The following SUN2 variants were observed in gnomAD, a reference collection of about 807,000 sequenced individuals.
SUN2 encodes the protein SUN domain-containing protein 2.
Under a neutral mutation model 100.0 loss-of-function variants are expected in SUN2, and 60 were observed. The ratio of observed to expected loss-of-function variants is 0.60; its 90% CI spans 0.49 to 0.74. The LOEUF is 0.74. SUN2 is among the 30% of genes least tolerant of loss of function. SUN2 has a pLI of 0.00. For synonymous variants in SUN2, 367 were observed against 403.3 expected (o/e 0.91, Z 1.08); for missense variants, 834 against 954.6 (o/e 0.87, Z 1.66).
In SUN2 at chr22:38,737,698, G is replaced by T; in HGVS notation, c.2040+475C>A. 2.8e-6 allele frequency: 1 copy of T among 357,204 alleles called. No homozygotes were observed. Among genetic ancestry groups the T allele is most frequent in the Admixed American group, 3.8e-5 (1 of 26,546 alleles). 22.1% of individuals were successfully genotyped at this position (357,204 alleles called of 1,614,324 possible). On this transcript the variant is annotated intron_variant, in intron 17 of 17. Coordinates refer to ENST00000689035, the MANE Select transcript of SUN2 (RefSeq NM_015374.3). This position sits in a 1 kb window ranked among gnomAD's most constrained non-coding sequence, Gnocchi z 4.1. ...TGGTTTGTTCAAATGCAGGCTCCTG[G>T]GTCCTGTCAGCCCTAAGGAACCAGA...
chr22:38,742,374 A>G lies in SUN2; in HGVS notation c.995T>C (p.Leu332Pro). 6.2e-7 allele frequency: 1 copy of G among 1,613,138 alleles called. No individual in the cohort carries two copies. Among genetic ancestry groups the G allele is most frequent in the Non-Finnish European group, 8.5e-7 (1 of 1,179,824 alleles). Reference protein sequence around the residue: ...GLSHEDTLALLEGLVSRREAA... With the variant: ...GLSHEDTLALPEGLVSRREAA... ...TTCACGGCGGCTCACTAGCCCCTCC[A>G]GCAGCGCCAGGGTGTCCTCGTGGCT... Residue 332 changes from leucine (L) to proline (P), a missense_variant, in exon 9 of 18, where the codon CTG becomes CCG. By Grantham distance (98) the Leu-to-Pro change is moderately conservative (BLOSUM62 -3). This residue lies in a region of SUN2 where 559 missense variants were observed against 597.7 expected (regional missense o/e 0.94). Transcript: ENST00000689035.
chr22:38,742,686 C>T (rs2092869923), intron 8 of SUN2, 131 bp from the exon 9 acceptor site: 3 of 1,254,738 alleles, frequency 2.4e-6, no homozygotes, highest in South Asian at 1.6e-5. Context: ...TAAGGCCATG[C>T]AGGGCCGGCT....
rs1294675920 is a variant in SUN2 at position 38,738,967 on chromosome 22, C to T, written c.1685G>A (p.Arg562Gln). 6 of 1,612,784 alleles carry T rather than the reference C, an allele frequency of 3.7e-6. No individual in the cohort carries two copies. Among genetic ancestry groups the T allele is most frequent in the South Asian group, 2.2e-5 (2 of 90,828 alleles). The stretch of plus-strand genomic sequence containing the variant: ...CTTGGTCTCGTAGGTCTCAGAACAT[C>T]GGGTGCTGATGACGCTGGCCCCTGA... ...ESGGASVIST[R>Q]CSETYETKTA... Residue 562 changes from arginine (R) to glutamine (Q), a missense_variant, in exon 15 of 18, where the codon CGA becomes CAA. Around this residue, in one of 3 missense-constraint regions of SUN2, gnomAD observed 195 missense variants for 280.2 expected, o/e 0.70. Coordinates refer to ENST00000689035, the MANE Select transcript of SUN2 (RefSeq NM_015374.3). The surrounding 1 kb of genome is among the most constrained non-coding windows in gnomAD (Gnocchi z 6.6).
chr22:38,750,818 TC>T, intron 4 of SUN2, 79 bp downstream of exon 4: 5 of 1,581,644 alleles, frequency 3.2e-6, no homozygotes, highest in Non-Finnish European at 4.3e-6. Flanking sequence ...TCTCTCCAGC[TC>T]CCCGGGGCTC....
In SUN2 at chr22:38,734,997, C is replaced by T; in HGVS notation, c.*1270G>A. On this transcript the variant is annotated 3_prime_UTR_variant, in exon 18 of 18. Transcript: ENST00000689035. ...CCAGACACAGCCGGAACCAGTGCCC[C>T]AGGCCCCTCTCCACGGCCAGGAACA... 1 of 304,308 alleles carries T rather than the reference C, an allele frequency of 3.3e-6. No homozygotes were observed. 18.9% of individuals were successfully genotyped at this position (304,308 alleles called of 1,614,324 possible).
chr22:38,745,898 TGCTTGTGG>T, intron 7 of SUN2, 87 bp from the exon 8 acceptor site: 1 of 1,538,764 alleles, frequency 6.5e-7, no homozygotes, highest in South Asian at 1.2e-5. Context: ...TCCCTGCCAG[TGCTTGTGG>T]CCTGTCCCAC....
chr22:38,739,587 C>T lies in SUN2; in HGVS notation c.1578+135G>A. ...CACACTGCCACCCACCCATGCCAGCCCCACAGCATGCAAAGCCTCCTGCTT... is the reference window on the plus strand; with the variant it reads ...CACACTGCCACCCACCCATGCCAGCTCCACAGCATGCAAAGCCTCCTGCTT... On this transcript the variant is annotated intron_variant, in intron 13 of 17. Coordinates refer to ENST00000689035, the MANE Select transcript of SUN2 (RefSeq NM_015374.3). The surrounding 1 kb of genome is among the most constrained non-coding windows in gnomAD (Gnocchi z 6.7). 1 of 1,307,170 alleles carries T rather than the reference C, an allele frequency of 7.7e-7. No individual in the cohort carries two copies. Among genetic ancestry groups the T allele is most frequent in the Non-Finnish European group, 1.1e-6 (1 of 931,868 alleles). The allele number at this position is 1,307,170 out of a possible 1,614,324, so 81.0% of individuals were successfully genotyped here. A position where few individuals can be genotyped will look rare whatever the true frequency, so the allele number is the denominator to read the frequency against.
In SUN2 at chr22:38,742,433, T is replaced by C. The variant is rs752595501; in HGVS notation, c.936A>G (p.Gln312=). ...AMRLERLELR[Q]GAPGQGGGGG... ...CACCACCTCCCTGGCCAGGAGCCCC[T>C]TGCCGCAGCTCCAGACGTTCCAGCC... is the stretch of plus-strand genomic sequence containing the variant. The change falls in exon 9 of 18, where the codon CAA becomes CAG. Residue 312 remains glutamine, a synonymous_variant. Transcript: ENST00000689035. 5 of 1,613,398 alleles carry C rather than the reference T, an allele frequency of 3.1e-6. No homozygotes were observed. In the African/African-American group the frequency reaches 6.7e-5, roughly 22 times the overall value.
chr22:38,745,856 AG>A (rs1455262396), intron 7 of SUN2, 45 bp from the exon 8 acceptor site: 1 of 1,602,384 alleles, frequency 6.2e-7, no homozygotes, highest in Non-Finnish European at 8.5e-7. Context: ...GCCTCCAGCA[AG>A]AGGCGCGCGC....
At chr22:38,743,266 T>G (rs2145991957) in intron 8 of SUN2, among the ~76,000 whole-genome samples, 1 of 152,328 alleles carries the variant, frequency 6.6e-6, no homozygotes, top group Middle Eastern at 3.4e-3. Context: ...GGTTTTTAAA[T>G]AGGCGCTACA....
chr22:38,750,239 A>G lies in SUN2; in HGVS notation c.506T>C (p.Val169Ala). The G allele has an allele frequency of 1.2e-6, 2 of 1,611,682 alleles. No homozygotes were observed. Among genetic ancestry groups the G allele is most frequent in the Non-Finnish European group, 1.7e-6 (2 of 1,178,092 alleles). Residue 169 changes from valine (V) to alanine (A), a missense_variant, in exon 5 of 18, where the codon GTG becomes GCG. Coordinates refer to ENST00000689035, the MANE Select transcript of SUN2 (RefSeq NM_015374.3). The stretch of plus-strand genomic sequence containing the variant: ...TTGCAGCCCACCTGGCGAAGTGGCC[A>G]CCATCCAGAGTAAGGAGCCCGCCCG... ...VSRAGSLLWM[V>A]ATSPGRLFRL...
intron 4 of SUN2, 62 bp downstream of exon 4, chr22:38,750,836 C>T: frequency 6.2e-7 from 1 of 1,600,092 alleles, no homozygotes; most frequent in African/African-American, 1.3e-5. Flanking sequence ...GCTCCCTGCC[C>T]AGCCTTCCTG....
chr22:38,750,842 T>C (rs2092939479), intron 4 of SUN2, 56 bp downstream of exon 4: 1 of 1,603,854 alleles, frequency 6.2e-7, no homozygotes, highest in Non-Finnish European at 8.5e-7. Flanking sequence ...TGCCCAGCCT[T>C]CCTGAGGCCT....
chr22:38,741,239 T>G (rs1457530360), intron 10 of SUN2, among the ~76,000 whole-genome samples, 189 bp from the exon 11 acceptor site: 1 of 150,470 alleles, frequency 6.6e-6, no homozygotes, highest in East Asian at 1.9e-4. Context: ...TCTGACACAC[T>G]GAGGTATCTG....
chr22:38,744,295 A>G (rs1260595507), intron 8 of SUN2, among the ~76,000 whole-genome samples: 4 of 149,148 alleles, frequency 2.7e-5, no homozygotes, highest in African/African-American at 9.9e-5. Flanking sequence ...AAGTGATACT[A>G]TGCCAGGTGC....
chr22:38,738,405 G>T lies in SUN2; in HGVS notation c.1948-140C>A. The stretch of plus-strand genomic sequence containing the variant: ...AGTCACTTCACTCTCTTGTGCCACA[G>T]TTTCTGCCTCCAAAGCCTAAGGTAA... On this transcript the variant is annotated intron_variant, in intron 16 of 17. Coordinates refer to ENST00000689035, the MANE Select transcript of SUN2 (RefSeq NM_015374.3). The surrounding 1 kb of genome is among the most constrained non-coding windows in gnomAD (Gnocchi z 6.6). The T allele has an allele frequency of 1.8e-6, 2 of 1,100,344 alleles. No homozygotes were observed. Among genetic ancestry groups the T allele is most frequent in the Non-Finnish European group, 1.3e-6 (1 of 762,750 alleles). The allele number at this position is 1,100,344 out of a possible 1,614,324, so 68.2% of individuals were successfully genotyped here. A position where few individuals can be genotyped will look rare whatever the true frequency, so the allele number is the denominator to read the frequency against.
rs1391373149 is a variant in SUN2, at chr22:38,742,159, AAG to A, written c.1068+140_1068+141del. ...TATTGTCTCAAAAAGAAAAAAAAAAAAGAAAAAAAGAGAAAGGGAGTAACTGC... is the reference window on the plus strand; with the variant it reads ...TATTGTCTCAAAAAGAAAAAAAAAAAAAAAAAAGAGAAAGGGAGTAACTGC... On this transcript the variant is annotated intron_variant, in intron 9 of 17. Transcript: ENST00000689035. The A allele has an allele frequency of 8.8e-5, 99 of 1,131,292 alleles. No homozygotes were observed. The East Asian group carries it at 2.2e-3, about 25-fold the overall frequency. 70.1% of individuals were successfully genotyped at this position (1,131,292 alleles called of 1,614,324 possible).
intron 1 of SUN2, among the ~76,000 whole-genome samples, chr22:38,753,008 C>T (rs552589652): frequency 4.6e-5 from 7 of 152,300 alleles, no homozygotes; most frequent in Non-Finnish European, 8.8e-5. Flanking sequence ...GGGTCTTCCT[C>T]GACCTCTGAC....
chr22:38,736,686 T>C (rs568528938), intron 17 of SUN2: 1 of 228,408 alleles, frequency 4.4e-6, no homozygotes, highest in African/African-American at 2.3e-5. Context: ...TAGATGCTGA[T>C]GTGGGGCACA....
Sources: allele counts gnomAD v4.1 joint callset (sites outside exome capture counted in the v4.1 genomes callset), GRCh38; gene constraint gnomAD v4.1.1; regional missense constraint gnomAD v4.1.1; non-coding constraint Gnocchi (gnomAD v3.1); transcripts MANE v1.5; gene names NCBI Gene and HGNC (gene_info 2026-07-23, HGNC 2026-07-21).